The following SYTL3 variants were observed in gnomAD, a reference collection of about 807,000 sequenced individuals.
The protein encoded by SYTL3 is synaptotagmin like 3, also known as synaptotagmin-like protein 3.
SYTL3 carries 88 observed loss-of-function variants against 82.1 expected under a neutral mutation model. The observed-to-expected ratio is 1.07, with a 90% CI of 0.90 to 1.28. The LOEUF (loss-of-function observed/expected upper bound fraction) is 1.28, where lower values mean the gene tolerates loss of function less well. SYTL3 is among the 50% of genes most tolerant of loss of function. SYTL3 has a pLI of 0.00. For synonymous variants in SYTL3, 311 were observed against 289.4 expected (o/e 1.07, Z -0.76); for missense variants, 831 against 757.6 (o/e 1.10, Z -1.14).
intron 11 of SYTL3, among the ~76,000 whole-genome samples, chr6:158,728,536 A>G (rs972847198): frequency 1.3e-5 from 2 of 152,258 alleles, no homozygotes; most frequent in African/African-American, 4.8e-5. Flanking sequence ...GTTGGATATT[A>G]TAAGTCTTCC....
Position 158,698,433 on chromosome 6 carries a change from A to G in SYTL3, c.395-8797A>G, listed in dbSNP as rs560064271. 1.4e-3 allele frequency among the ~76,000 whole-genome samples: 208 copies of G among 150,628 alleles called. 2 individuals are homozygous for G. The highest frequency in any genetic ancestry group is 4.4e-3 in the African/African-American group (179 of 40,964). The stretch of plus-strand genomic sequence containing the variant: ...AAAAAAGGCTCTGGACTCCTGCTCT[A>G]AAACCATTTGTGACTGGATATCATG... On this transcript the variant is annotated intron_variant, in intron 6 of 17. Coordinates refer to ENST00000611299, the MANE Select transcript of SYTL3 (RefSeq NM_001242394.2).
At chr6:158,706,676 C>T (rs903936080) in intron 6 of SYTL3, among the ~76,000 whole-genome samples, 6 of 152,044 alleles carry the variant, frequency 3.9e-5, no homozygotes, top group East Asian at 3.8e-4. Flanking sequence ...TTATTTCTGG[C>T]GTCTTAACAC....
At chr6:158,760,795 G>C (rs746662873) in intron 15 of SYTL3, 50 bp downstream of exon 15, 1 of 1,428,920 alleles carries the variant, frequency 7.0e-7, no homozygotes, top group South Asian at 1.1e-5. Context: ...TGTCTGCAGA[G>C]CCTGGTGCTG....
intron 6 of SYTL3, among the ~76,000 whole-genome samples, chr6:158,703,395 T>G (rs1367863151): frequency 6.6e-6 from 1 of 152,044 alleles, no homozygotes; most frequent in African/African-American, 2.4e-5. Flanking sequence ...GTGGGGGCCC[T>G]TGGTCCAAAA....
At chr6:158,759,152 A>C (rs1476773025) in intron 14 of SYTL3, among the ~76,000 whole-genome samples, 1 of 152,194 alleles carries the variant, frequency 6.6e-6, no homozygotes, top group Non-Finnish European at 1.5e-5. Flanking sequence ...ACAGGCGGCC[A>C]CCAGGCCTCA....
chr6:158,680,728 A>G (rs1293417264), intron 5 of SYTL3, among the ~76,000 whole-genome samples: 1 of 152,110 alleles, frequency 6.6e-6, no homozygotes, highest in Non-Finnish European at 1.5e-5. Context: ...CTCCAGCCTC[A>G]ACAACAGAGC....
At chr6:158,654,353 T>C (rs1189935436) in intron 2 of SYTL3, among the ~76,000 whole-genome samples, 1 of 152,206 alleles carries the variant, frequency 6.6e-6, no homozygotes, top group Non-Finnish European at 1.5e-5. Flanking sequence ...GCTTGATACA[T>C]AGAGGCCAAT....
At chr6:158,663,881 G>A (rs942510011) in intron 4 of SYTL3, among the ~76,000 whole-genome samples, 1 of 152,056 alleles carries the variant, frequency 6.6e-6, no homozygotes, top group Non-Finnish European at 1.5e-5. Context: ...TTTGAGGAAG[G>A]GGGAGCATAA....
intron 2 of SYTL3, among the ~76,000 whole-genome samples, chr6:158,657,425 CA>C (rs535361947): frequency 0.072 from 5,759 of 79,752 alleles, 96 homozygotes; most frequent in African/African-American, 0.21. Context: ...GACTCTGGCT[CA>C]AAAAAAAAAA....
At chr6:158,731,880 A>G in intron 11 of SYTL3, among the ~76,000 whole-genome samples, 1 of 152,358 alleles carries the variant, frequency 6.6e-6, no homozygotes, top group South Asian at 2.1e-4. Context: ...GGCGTGAGCC[A>G]CCGTGCCTGG....
chr6:158,682,205 C>T (rs1778770852), intron 5 of SYTL3, among the ~76,000 whole-genome samples: 1 of 152,134 alleles, frequency 6.6e-6, no homozygotes, highest in Non-Finnish European at 1.5e-5. Flanking sequence ...TCCCAAAGTA[C>T]TGGGATTACA....
At chr6:158,713,478 T>C (rs1308156490) in intron 8 of SYTL3, among the ~76,000 whole-genome samples, 1 of 152,128 alleles carries the variant, frequency 6.6e-6, no homozygotes, top group Admixed American at 6.6e-5. Context: ...AGTACAGTCT[T>C]TGAGCCAATG....
At chr6:158,714,728 T>A (rs910547528) in intron 9 of SYTL3, among the ~76,000 whole-genome samples, 1 of 152,212 alleles carries the variant, frequency 6.6e-6, no homozygotes, top group South Asian at 2.1e-4. Context: ...CATGGATTTC[T>A]CTTTCACTGT....
At chr6:158,691,637 A>G (rs1779876883) in intron 6 of SYTL3, among the ~76,000 whole-genome samples, 1 of 151,578 alleles carries the variant, frequency 6.6e-6, no homozygotes, top group Admixed American at 6.6e-5. Flanking sequence ...GAAAGATGAC[A>G]ATATTAATAT....
chr6:158,682,001 A>G (rs1778748049), intron 5 of SYTL3, among the ~76,000 whole-genome samples: 1 of 152,192 alleles, frequency 6.6e-6, no homozygotes, highest in Non-Finnish European at 1.5e-5. Flanking sequence ...CAATGGTGCA[A>G]TCTCGGCTCA....
At chr6:158,744,852 A>G (rs966852991) in intron 11 of SYTL3, among the ~76,000 whole-genome samples, 2 of 152,236 alleles carry the variant, frequency 1.3e-5, no homozygotes, top group Non-Finnish European at 2.9e-5. Flanking sequence ...CCTTATCTAC[A>G]TCGTATAAGC....
chr6:158,763,169 T>C, intron 16 of SYTL3, 135 bp from the exon 17 acceptor site: 2 of 810,942 alleles, frequency 2.5e-6, no homozygotes, highest in Non-Finnish European at 4.0e-6. Flanking sequence ...GTTCCCACCC[T>C]GCTTCACTGG....
chr6:158,672,056 C>T (rs186963557), intron 5 of SYTL3, among the ~76,000 whole-genome samples: 133 of 152,012 alleles, frequency 8.7e-4, no homozygotes, highest in African/African-American at 3.1e-3. Flanking sequence ...TTTGGGAGGC[C>T]GAGGTGGGCA....
intron 5 of SYTL3, among the ~76,000 whole-genome samples, chr6:158,668,239 T>TTTAC (rs1296798391): frequency 1.7e-3 from 251 of 151,352 alleles, no homozygotes; most frequent in Non-Finnish European, 2.2e-3. Context: ...TATTTATTTA[T>TTTAC]TTATTTTGAG....
Sources: gnomAD v4.1 joint callset for allele counts (sites outside exome capture counted in the v4.1 genomes callset) on GRCh38, gnomAD v4.1.1 for gene constraint, MANE v1.5 for transcripts, NCBI Gene and HGNC (gene_info 2026-07-23, HGNC 2026-07-21) for gene names.